Variants in WDPCP observed in about 807,000 individuals in gnomAD.
WDPCP encodes the protein WD repeat containing planar cell polarity effector.
A neutral mutation model predicts 93.1 loss-of-function variants in WDPCP; 71 were observed. The ratio of observed to expected loss-of-function variants is 0.76; its 90% CI spans 0.63 to 0.93. The LOEUF (loss-of-function observed/expected upper bound fraction) is 0.93. Among genes scored for constraint, WDPCP ranks in the 40% least tolerant of loss-of-function variants. The pLI is 0.00. For synonymous variants in WDPCP, 315 were observed against 315.0 expected (o/e 1.00, Z 0.00); for missense variants, 844 against 887.4 (o/e 0.95, Z 0.62).
At chr2:63,709,438 C>A (rs1251723973) in intron 2 of WDPCP, among the ~76,000 whole-genome samples, 1 of 152,150 alleles carries the variant, frequency 6.6e-6, no homozygotes, top group Non-Finnish European at 1.5e-5. Flanking sequence ...GATTCATGCA[C>A]ATTTCATATC....
At chr2:63,337,177 C>A (rs896176125) in intron 12 of WDPCP, among the ~76,000 whole-genome samples, 1 of 152,120 alleles carries the variant, frequency 6.6e-6, no homozygotes, top group East Asian at 1.9e-4. Flanking sequence ...CAGGCGTGAG[C>A]CACTGCGCAC....
intron 2 of WDPCP, among the ~76,000 whole-genome samples, chr2:63,725,056 T>G (rs1669477967): frequency 6.6e-6 from 1 of 152,210 alleles, no homozygotes; most frequent in African/African-American, 2.4e-5. Flanking sequence ...CTTTCCAACT[T>G]TTATTTTAGG....
intron 1 of WDPCP, among the ~76,000 whole-genome samples, chr2:63,493,990 C>T (rs559007708): frequency 5.3e-5 from 8 of 152,238 alleles, no homozygotes; most frequent in Admixed American, 5.2e-4. Flanking sequence ...CCCATAGTAT[C>T]CATATGGGTG....
At chr2:63,555,066 G>C (rs1705986765) in intron 1 of WDPCP, among the ~76,000 whole-genome samples, 1 of 152,238 alleles carries the variant, frequency 6.6e-6, no homozygotes, top group African/African-American at 2.4e-5. Flanking sequence ...CAGCCACTTG[G>C]CTGGAGACTG....
At chr2:63,750,135 TG>T (rs1443285158) in intron 2 of WDPCP, among the ~76,000 whole-genome samples, 1 of 152,026 alleles carries the variant, frequency 6.6e-6, no homozygotes, top group Non-Finnish European at 1.5e-5. Flanking sequence ...AAAAATAGAC[TG>T]GAATGGTATG....
intron 2 of WDPCP, among the ~76,000 whole-genome samples, chr2:63,812,265 C>G (rs1670873622): frequency 6.6e-6 from 1 of 152,096 alleles, no homozygotes; most frequent in Non-Finnish European, 1.5e-5. Context: ...TTTTTTATGG[C>G]ACCGTTCTAT....
intron 13 of WDPCP, among the ~76,000 whole-genome samples, chr2:63,288,542 A>AAAAGTTTC (rs1684179057): frequency 1.3e-5 from 2 of 152,242 alleles, no homozygotes; most frequent in Admixed American, 6.5e-5. Flanking sequence ...AAAGATACAG[A>AAAAGTTTC]AAAGTTTCAA....
chr2:63,320,310 C>T (rs1027602333), intron 12 of WDPCP, among the ~76,000 whole-genome samples: 5 of 151,904 alleles, frequency 3.3e-5, no homozygotes, highest in East Asian at 1.9e-4. Flanking sequence ...AGAACTACAC[C>T]GTAAGAAAGA....
Position 63,475,962 on chromosome 2 carries a change from C to A in WDPCP, c.384+8642G>T, listed in dbSNP as rs535067131. On this transcript the variant is annotated intron_variant, in intron 6 of 17. Coordinates refer to ENST00000272321, the MANE Select transcript of WDPCP (RefSeq NM_015910.7). ...AATTTTCAACACCAACCTTTCACTG[C>A]GGTTCCATACTTCCAATAATATCAT... is the stretch of plus-strand genomic sequence containing the variant. Among the ~76,000 whole-genome samples the A allele has an allele frequency of 7.2e-4, 109 of 152,210 alleles. 1 individual carries two copies. The South Asian group carries it at 0.021, about 30-fold the overall frequency.
intron 6 of WDPCP, among the ~76,000 whole-genome samples, chr2:63,464,805 A>T (rs1558669879): frequency 2.0e-5 from 3 of 152,100 alleles, no homozygotes; most frequent in Non-Finnish European, 2.9e-5. Context: ...ATATTGTAGG[A>T]TTCCACTTAG....
chr2:63,721,414 G>A (rs1329126015), intron 2 of WDPCP, among the ~76,000 whole-genome samples: 1 of 152,098 alleles, frequency 6.6e-6, no homozygotes, highest in Non-Finnish European at 1.5e-5. Context: ...CAAGCCTGAT[G>A]CCCCAACTGC....
chr2:63,497,609 A>C (rs1375920961), intron 1 of WDPCP, among the ~76,000 whole-genome samples: 1 of 152,172 alleles, frequency 6.6e-6, no homozygotes, highest in Non-Finnish European at 1.5e-5. Flanking sequence ...GTGGGAGAGG[A>C]CCAAATCAAC....
intron 6 of WDPCP, chr2:63,441,340 CA>C (rs1697488872): frequency 6.6e-6 from 1 of 152,084 alleles, no homozygotes; most frequent in South Asian, 2.1e-4. Context: ...CTTAACTCCC[CA>C]AATTCCTTCT....
intron 9 of WDPCP, among the ~76,000 whole-genome samples, chr2:63,419,515 C>T (rs1012455038): frequency 6.6e-6 from 1 of 151,988 alleles, no homozygotes; most frequent in Non-Finnish European, 1.5e-5. Context: ...AGGTTGAAAC[C>T]TGCTGAAAAA....
chr2:63,458,622 C>T (rs746536200), intron 6 of WDPCP, among the ~76,000 whole-genome samples: 4 of 152,078 alleles, frequency 2.6e-5, no homozygotes, highest in Admixed American at 6.6e-5. Flanking sequence ...AAATACCATG[C>T]TCATGGATTA....
chr2:63,455,419 T>G (rs1218781898), intron 6 of WDPCP, among the ~76,000 whole-genome samples: 1 of 127,532 alleles, frequency 7.8e-6, no homozygotes, highest in Non-Finnish European at 1.6e-5. Context: ...TAAAGATATA[T>G]ATATATATAT....
chr2:63,232,686 T>A (rs1379913265), intron 14 of WDPCP: 1 of 153,022 alleles, frequency 6.5e-6, no homozygotes, highest in Non-Finnish European at 1.5e-5. Context: ...CTCTTATGAA[T>A]GGGTTTGCTG....
chr2:63,450,426 C>T (rs1234672998), intron 6 of WDPCP, among the ~76,000 whole-genome samples: 6 of 152,200 alleles, frequency 3.9e-5, no homozygotes, highest in Non-Finnish European at 8.8e-5. Flanking sequence ...ACCACTGCTA[C>T]TGGCATCACC....
At chr2:63,477,364 A>ATATATT (rs1700029872) in intron 6 of WDPCP, among the ~76,000 whole-genome samples, 1 of 152,204 alleles carries the variant, frequency 6.6e-6, no homozygotes, top group African/African-American at 2.4e-5. Context: ...AATAGCTGGT[A>ATATATT]AAACTAAAAC....
Sources: allele counts gnomAD v4.1 joint callset (sites outside exome capture counted in the v4.1 genomes callset), GRCh38; gene constraint gnomAD v4.1.1; transcripts MANE v1.5; gene names NCBI Gene and HGNC (gene_info 2026-07-23, HGNC 2026-07-21).